IL21: variants seen among roughly 807,000 people sequenced by gnomAD.
IL21 encodes interleukin-21.
IL21 carries 3 observed loss-of-function variants against 18.4 expected under a neutral mutation model. The observed-to-expected ratio is 0.16, with a 90% CI of 0.07 to 0.42. IL21 has a LOEUF of 0.42. Ranked by LOEUF, IL21 falls within the 10% of genes least tolerant of loss-of-function variation. The probability of loss-of-function intolerance (pLI) is 0.99; values close to 1 mark genes in which losing one functional copy is unlikely to be tolerated. For synonymous variants in IL21, 37 were observed against 62.0 expected (o/e 0.60, Z 1.90); for missense variants, 130 against 188.4 (o/e 0.69, Z 1.81).
rs1036478172 is a variant in IL21, at chr4:122,612,372, A to G, written c.*338T>C. ...ATATGTTTTAAGTTATGATCATAAT[A>G]GACCTCATTCTGGTGGTAATCAAGC... is the stretch of plus-strand genomic sequence containing the variant. On this transcript the variant is annotated 3_prime_UTR_variant, in exon 5 of 5. Transcript: ENST00000648588. Among the ~76,000 whole-genome samples the G allele has an allele frequency of 6.6e-6, 1 of 152,130 alleles. No homozygotes were observed. Among genetic ancestry groups the G allele is most frequent in the African/African-American group, 2.4e-5 (1 of 41,444 alleles).
In IL21 at chr4:122,620,262, T is replaced by C. The variant is rs949533900; in HGVS notation, c.204+439A>G. 3.9e-5 allele frequency: 6 copies of C among 154,492 alleles called. 1 individual carries two copies. Among genetic ancestry groups the C allele is most frequent in the Admixed American group, 6.4e-5 (1 of 15,566 alleles). 9.6% of individuals were successfully genotyped at this position (154,492 alleles called of 1,614,324 possible). ...TCTAATTCTTTCTTTCTTTCTTTTT[T>C]AAGTTTGTTATTAAAAGGTTAATTC... On this transcript the variant is annotated intron_variant, in intron 2 of 4. Coordinates refer to ENST00000648588, the MANE Select transcript of IL21 (RefSeq NM_021803.4).
intron 3 of IL21, among the ~76,000 whole-genome samples, chr4:122,614,218 T>G (rs1436661417): frequency 2.0e-5 from 3 of 152,200 alleles, no homozygotes; most frequent in African/African-American, 2.4e-5. Flanking sequence ...AGTTCTAAGT[T>G]TAGCTCCAAA....
At chr4:122,616,385 A>T (rs1282067236) in intron 2 of IL21, among the ~76,000 whole-genome samples, 1 of 152,226 alleles carries the variant, frequency 6.6e-6, no homozygotes, top group Non-Finnish European at 1.5e-5. Flanking sequence ...GAAGAAAATG[A>T]ATTAAAGCCC....
chr4:122,616,556 C>T (rs1435897142), intron 2 of IL21, among the ~76,000 whole-genome samples: 2 of 152,160 alleles, frequency 1.3e-5, no homozygotes, highest in Non-Finnish European at 2.9e-5. Flanking sequence ...AGTTGAGGAA[C>T]AGTTTGAGGC....
At chr4:122,614,978 G>T (rs934108473) in intron 3 of IL21, among the ~76,000 whole-genome samples, 3 of 152,142 alleles carry the variant, frequency 2.0e-5, no homozygotes, top group Admixed American at 2.0e-4. Flanking sequence ...TAGTCTTCTT[G>T]TAGGCTCTTT....
intron 2 of IL21, chr4:122,619,637 G>A (rs746502732): frequency 6.6e-6 from 1 of 152,154 alleles, no homozygotes; most frequent in South Asian, 2.1e-4. Context: ...TGATTAAGAA[G>A]TATTTTCAGT....
In IL21 at chr4:122,613,341, A is replaced by G. The variant is rs574953541; in HGVS notation, c.361-413T>C. Reference sequence around the variant, plus strand: ...TACTATTTTTGGACCCAAAGGTTGCATCTAACTTTTTTTTTTTTTTTTTTT... The same window carrying G: ...TACTATTTTTGGACCCAAAGGTTGCGTCTAACTTTTTTTTTTTTTTTTTTT... On this transcript the variant is annotated intron_variant, in intron 3 of 4. Transcript: ENST00000648588. 1.3e-4 allele frequency among the ~76,000 whole-genome samples: 19 copies of G among 141,894 alleles called. 1 individual carries two copies. The South Asian group carries it at 2.7e-3, about 20-fold the overall frequency. The allele number at this position is 141,894 out of a possible 152,430, so 93.1% of individuals were successfully genotyped here.
In IL21 at chr4:122,610,724, A is replaced by G. The variant is rs1338884637; in HGVS notation, c.*1986T>C. Reference sequence around the variant, plus strand: ...ACGTCTCCTGTATTACTGTCCATAGATGAACAGTTATATTTATGGGTTATC... The same window carrying G: ...ACGTCTCCTGTATTACTGTCCATAGGTGAACAGTTATATTTATGGGTTATC... On this transcript the variant is annotated 3_prime_UTR_variant, in exon 5 of 5. Transcript: ENST00000648588. Among the ~76,000 whole-genome samples the G allele has an allele frequency of 6.6e-6, 1 of 152,212 alleles. No individual in the cohort carries two copies. Among genetic ancestry groups the G allele is most frequent in the African/African-American group, 2.4e-5 (1 of 41,454 alleles).
At chr4:122,615,592 C>T in intron 3 of IL21, 90 bp downstream of exon 3, 1 of 1,190,004 alleles carries the variant, frequency 8.4e-7, no homozygotes, top group Non-Finnish European at 1.2e-6. Flanking sequence ...ACACCAGCAG[C>T]CCTGGCTACA....
chr4:122,615,126 A>G (rs1430708719), intron 3 of IL21, among the ~76,000 whole-genome samples: 1 of 152,212 alleles, frequency 6.6e-6, no homozygotes, highest in Non-Finnish European at 1.5e-5. Context: ...GAGAAGCTAT[A>G]TTAACATATT....
In IL21 at chr4:122,621,043, C is replaced by T. The variant is rs370645854; in HGVS notation, c.-32G>A. 2.5e-6 allele frequency: 4 copies of T among 1,595,750 alleles called. No individual in the cohort carries two copies. The highest frequency in any genetic ancestry group is 1.7e-5 in the Admixed American group (1 of 58,730). ...CAACAGTAGAGCTAGACCTTGGTCT[C>T]GTTTTCACTTCAGCTTGACTGAGAA... On this transcript the variant is annotated 5_prime_UTR_variant, in exon 1 of 5. Coordinates refer to ENST00000648588, the MANE Select transcript of IL21 (RefSeq NM_021803.4).
intron 3 of IL21, among the ~76,000 whole-genome samples, chr4:122,613,767 G>C (rs776871852): frequency 2.5e-4 from 38 of 152,108 alleles, no homozygotes; most frequent in Non-Finnish European, 4.1e-4. Flanking sequence ...CTAAATTAAA[G>C]GGATAAAAAT....
intron 2 of IL21, among the ~76,000 whole-genome samples, chr4:122,618,675 G>A (rs374413313): frequency 3.0e-4 from 46 of 151,724 alleles, no homozygotes; most frequent in Non-Finnish European, 3.4e-4. Flanking sequence ...GTGTGGTGGC[G>A]TGCGCCTGTA....
intron 2 of IL21, chr4:122,620,067 T>G (rs1167793381): frequency 6.6e-6 from 1 of 152,234 alleles, no homozygotes; most frequent in Non-Finnish European, 1.5e-5. Flanking sequence ...CCTGGAACTC[T>G]AATGGATTTA....
At chr4:122,615,322 C>T (rs553658064) in intron 3 of IL21, among the ~76,000 whole-genome samples, 6 of 152,272 alleles carry the variant, frequency 3.9e-5, no homozygotes, top group African/African-American at 1.2e-4. Flanking sequence ...GAGATCGAGA[C>T]CATCCTGGCT....
chr4:122,613,175 C>T (rs1427514928), intron 3 of IL21, among the ~76,000 whole-genome samples: 3 of 150,874 alleles, frequency 2.0e-5, no homozygotes, highest in African/African-American at 7.3e-5. Context: ...TATTATTGTG[C>T]ATTTACATTA....
chr4:122,617,260 G>T (rs1258897608), intron 2 of IL21, among the ~76,000 whole-genome samples: 1 of 152,108 alleles, frequency 6.6e-6, no homozygotes, highest in Non-Finnish European at 1.5e-5. Flanking sequence ...GTTCAATATA[G>T]CACTTTTTTT....
chr4:122,614,757 G>A (rs1799313987), intron 3 of IL21, among the ~76,000 whole-genome samples: 1 of 152,012 alleles, frequency 6.6e-6, no homozygotes, highest in Non-Finnish European at 1.5e-5. Context: ...TTTCCCACTG[G>A]CTTTAATCTT....
At position 122,620,279 on chromosome 4, in the gene IL21, G is replaced by A. The variant is rs377146551; in HGVS notation, c.204+422C>T. The A allele has an allele frequency of 2.8e-4, 44 of 156,120 alleles. No homozygotes were observed. The South Asian group carries it at 8.6e-3, about 31-fold the overall frequency. 9.7% of individuals were successfully genotyped at this position (156,120 alleles called of 1,614,324 possible). A position where few individuals can be genotyped will look rare whatever the true frequency, so the allele number is the denominator to read the frequency against. ...TTCTTTTTTAAGTTTGTTATTAAAAGGTTAATTCTGCTTCCTACTGTATGT... is the reference window on the plus strand; with the variant it reads ...TTCTTTTTTAAGTTTGTTATTAAAAAGTTAATTCTGCTTCCTACTGTATGT... On this transcript the variant is annotated intron_variant, in intron 2 of 4. Transcript: ENST00000648588.
Sources: allele counts gnomAD v4.1 joint callset (sites outside exome capture counted in the v4.1 genomes callset), GRCh38; gene constraint gnomAD v4.1.1; transcripts MANE v1.5; gene names NCBI Gene and HGNC (gene_info 2026-07-23, HGNC 2026-07-21).